The following DAB1 variants were observed in gnomAD, a reference collection of about 807,000 sequenced individuals.
DAB1 encodes DAB adaptor protein 1.
In DAB1, 15 loss-of-function variants were observed where a neutral mutation model predicts 64.6. That is an observed-to-expected ratio of 0.23 (90% confidence interval 0.16 to 0.36). The LOEUF (loss-of-function observed/expected upper bound fraction) is 0.36. DAB1 is among the 10% of genes least tolerant of loss of function. The pLI is 1.00. For synonymous variants in DAB1, 235 were observed against 251.9 expected (o/e 0.93, Z 0.64); for missense variants, 596 against 706.7 (o/e 0.84, Z 1.78).
At chr1:58,501,547 TTTC>T (rs1645906512) in intron 3 of DAB1, among the ~76,000 whole-genome samples, 2 of 152,244 alleles carry the variant, frequency 1.3e-5, no homozygotes, top group Non-Finnish European at 2.9e-5. Context: ...CCACACTGGT[TTTC>T]TTCTTGTTGC....
At chr1:58,426,130 T>C (rs1372477941) in intron 3 of DAB1, among the ~76,000 whole-genome samples, 1 of 152,140 alleles carries the variant, frequency 6.6e-6, no homozygotes, top group Admixed American at 6.5e-5. Flanking sequence ...GGAGAGATTA[T>C]TATTATTCCA....
intron 6 of DAB1, among the ~76,000 whole-genome samples, chr1:57,701,068 G>A (rs1454611119): frequency 2.0e-5 from 3 of 151,992 alleles, no homozygotes; most frequent in Non-Finnish European, 2.9e-5. Context: ...GTGCTGGAGA[G>A]GATGTGGAGA....
chr1:57,329,462 C>T (rs1676459225), intron 1 of DAB1, among the ~76,000 whole-genome samples: 1 of 152,074 alleles, frequency 6.6e-6, no homozygotes, highest in Non-Finnish European at 1.5e-5. Flanking sequence ...TCTCCCTTTC[C>T]AGTGTTGCCT....
In DAB1 at chr1:57,802,512, T is replaced by C. The variant is rs564554175; in HGVS notation, n.551+81487A>G. The stretch of plus-strand genomic sequence containing the variant: ...TAGCGGAGAGCTCTGGAACGAATAT[T>C]GTCTGTGATATGGTTTGGAATTGTG... On this transcript the variant is annotated intron_variant and non_coding_transcript_variant, in intron 6 of 20. Transcript: ENST00000485760. Among the ~76,000 whole-genome samples the C allele has an allele frequency of 1.6e-4, 25 of 152,286 alleles. No homozygotes were observed. In the South Asian group the frequency reaches 5.0e-3, roughly 30 times the overall value.
chr1:58,407,137 T>C (rs923432560), intron 3 of DAB1, among the ~76,000 whole-genome samples: 3 of 152,162 alleles, frequency 2.0e-5, no homozygotes, highest in Non-Finnish European at 4.4e-5. Flanking sequence ...CTCTTTCTTA[T>C]CCCCTACCTG....
chr1:57,807,635 C>T (rs1023976785), intron 6 of DAB1, among the ~76,000 whole-genome samples: 3 of 152,294 alleles, frequency 2.0e-5, no homozygotes, highest in African/African-American at 7.2e-5. Flanking sequence ...CTTTGAACCA[C>T]ATAAATTCAA....
intron 1 of DAB1, among the ~76,000 whole-genome samples, chr1:57,830,737 A>C (rs1246829463): frequency 6.6e-6 from 1 of 152,176 alleles, no homozygotes; most frequent in Admixed American, 6.5e-5. Context: ...AGACCGATTT[A>C]CTATACCTAG....
intron 7 of DAB1, among the ~76,000 whole-genome samples, chr1:57,592,167 C>G (rs184516064): frequency 2.6e-4 from 39 of 152,202 alleles, no homozygotes; most frequent in Admixed American, 2.4e-3. Flanking sequence ...ATAGGAACAT[C>G]TGGAAATGGA....
intron 1 of DAB1, chr1:57,878,791 A>G (rs1644095305): frequency 6.6e-6 from 1 of 152,082 alleles, no homozygotes; most frequent in Non-Finnish European, 1.5e-5. Flanking sequence ...TCTAGCTGTA[A>G]TTTTGTATCC....
At chr1:57,134,571 T>C (rs1474085845) in intron 4 of DAB1, among the ~76,000 whole-genome samples, 1 of 127,774 alleles carries the variant, frequency 7.8e-6, no homozygotes, top group East Asian at 2.1e-4. Context: ...TATTGGGTAC[T>C]AGGCTTAGTA....
intron 3 of DAB1, among the ~76,000 whole-genome samples, chr1:58,482,240 G>T (rs1487703105): frequency 6.6e-6 from 1 of 152,148 alleles, no homozygotes; most frequent in Non-Finnish European, 1.5e-5. Flanking sequence ...CTGTAAGGTG[G>T]AAAATAATTA....
At chr1:58,432,134 G>A (rs1386611085) in intron 3 of DAB1, among the ~76,000 whole-genome samples, 1 of 152,116 alleles carries the variant, frequency 6.6e-6, no homozygotes, top group Non-Finnish European at 1.5e-5. Flanking sequence ...CTATCTCAGG[G>A]TCTCTGCCTG....
rs1219655257 is a variant in DAB1 at position 57,951,334 on chromosome 1, T to TATATATC, written n.388-67173_388-67172insGATATAT. ...GCCTGATTCATATATATATATATAC[T>TATATATC]TCCCTGGAAACTTAAATTAGCCCAA... On this transcript the variant is annotated intron_variant and non_coding_transcript_variant, in intron 5 of 20. Coordinates refer to the DAB1 transcript ENST00000485760. Among the ~76,000 whole-genome samples, 13 of 63,848 alleles carry TATATATC rather than the reference T, an allele frequency of 2.0e-4. 2 individuals carry two copies. Among genetic ancestry groups the TATATATC allele is most frequent in the Non-Finnish European group, 4.4e-4 (12 of 27,348 alleles). 41.9% of individuals were successfully genotyped at this position (63,848 alleles called of 152,430 possible).
intron 5 of DAB1, among the ~76,000 whole-genome samples, chr1:57,952,568 T>C (rs776822914): frequency 2.0e-5 from 3 of 152,064 alleles, no homozygotes; most frequent in African/African-American, 4.8e-5. Flanking sequence ...TTGAGAGTAA[T>C]AGGTAAAGGC....
chr1:58,313,819 A>ACG (rs1491122214), intron 4 of DAB1, among the ~76,000 whole-genome samples: 3 of 119,976 alleles, frequency 2.5e-5, no homozygotes, highest in African/African-American at 1.1e-4. Context: ...TTGTATCTTC[A>ACG]TGTGTGTGTG....
At chr1:57,404,722 T>C (rs1338049282) in intron 1 of DAB1, among the ~76,000 whole-genome samples, 1 of 152,218 alleles carries the variant, frequency 6.6e-6, no homozygotes, top group Non-Finnish European at 1.5e-5. Flanking sequence ...CTATATGCAA[T>C]GGATCCTTGC....
intron 3 of DAB1, among the ~76,000 whole-genome samples, chr1:58,494,463 C>T (rs1645757720): frequency 6.6e-6 from 1 of 152,020 alleles, no homozygotes; most frequent in African/African-American, 2.4e-5. Context: ...AAAGAAACTA[C>T]CATCAGAGTG....
intron 4 of DAB1, among the ~76,000 whole-genome samples, chr1:57,121,540 A>T (rs1656664038): frequency 6.6e-6 from 1 of 152,014 alleles, no homozygotes; most frequent in South Asian, 2.1e-4. Context: ...TGCTTAATAA[A>T]TGTTCACTGA....
At chr1:57,212,317 TA>T (rs2100336994) in intron 2 of DAB1, among the ~76,000 whole-genome samples, 3 of 145,698 alleles carry the variant, frequency 2.1e-5, no homozygotes, top group African/African-American at 7.5e-5. Context: ...ATATAAAAAC[TA>T]AAACATAATT....
Sources: allele counts gnomAD v4.1 joint callset (sites outside exome capture counted in the v4.1 genomes callset), GRCh38; gene constraint gnomAD v4.1.1; transcripts MANE v1.5; gene names NCBI Gene and HGNC (gene_info 2026-07-23, HGNC 2026-07-21).